MED27: variants seen among roughly 807,000 people sequenced by gnomAD.
MED27 encodes the protein mediator of RNA polymerase II transcription subunit 27.
In MED27, 30 loss-of-function variants were observed where a neutral mutation model predicts 38.2. The ratio of observed to expected loss-of-function variants is 0.79; its 90% CI spans 0.59 to 1.07. The LOEUF is 1.07. MED27 is among the 50% of genes least tolerant of loss of function. MED27 has a pLI of 0.00. For missense variants in MED27, 289 were observed against 397.5 expected (o/e 0.73, Z 2.32); for synonymous variants, 122 against 153.5 (o/e 0.79, Z 1.52).
chr9:132,019,940 G>C (rs1459186346), intron 2 of MED27, among the ~76,000 whole-genome samples: 1 of 152,214 alleles, frequency 6.6e-6, no homozygotes, highest in Non-Finnish European at 1.5e-5. Flanking sequence ...GACGTTGCAT[G>C]CTTTTCCCTC....
chr9:132,053,612 T>C (rs1833511857), intron 2 of MED27, among the ~76,000 whole-genome samples: 5 of 152,306 alleles, frequency 3.3e-5, no homozygotes, highest in Admixed American at 6.5e-5. Context: ...TGAAACAACA[T>C]GCCTGGAGTC....
chr9:131,905,593 G>C (rs1830039781), intron 4 of MED27, among the ~76,000 whole-genome samples: 1 of 150,838 alleles, frequency 6.6e-6, no homozygotes, highest in South Asian at 2.1e-4. Flanking sequence ...AGCACTTTGG[G>C]AAGCCGGGAT....
intron 4 of MED27, among the ~76,000 whole-genome samples, chr9:131,932,919 T>C (rs1488832415): frequency 6.6e-6 from 1 of 152,142 alleles, no homozygotes; most frequent in African/African-American, 2.4e-5. Context: ...TCATTCATCA[T>C]GACCAAGTGG....
chr9:132,012,195 G>A (rs1054742262), intron 3 of MED27, among the ~76,000 whole-genome samples: 4 of 152,208 alleles, frequency 2.6e-5, no homozygotes, highest in African/African-American at 9.6e-5. Context: ...TCTTGCCTCA[G>A]TAGACAATCC....
intron 6 of MED27, among the ~76,000 whole-genome samples, chr9:131,880,176 T>C (rs1443026031): frequency 1.3e-5 from 2 of 151,028 alleles, no homozygotes; most frequent in African/African-American, 4.9e-5. Flanking sequence ...TCCCACAAGC[T>C]CAGTGATACA....
At chr9:131,931,556 GAC>G (rs1342794651) in intron 4 of MED27, among the ~76,000 whole-genome samples, 1 of 152,070 alleles carries the variant, frequency 6.6e-6, no homozygotes, top group Admixed American at 6.6e-5. Context: ...CCAATCAAAA[GAC>G]ACAGAGTAGC....
At chr9:132,010,431 G>T (rs1271113308) in intron 3 of MED27, among the ~76,000 whole-genome samples, 3 of 152,220 alleles carry the variant, frequency 2.0e-5, no homozygotes, top group Non-Finnish European at 2.9e-5. Context: ...TACACTGTTG[G>T]TGGGACTGTA....
In MED27 at chr9:132,024,052, T is replaced by C. The variant is rs78221291; in HGVS notation, c.349-9585A>G. Among the ~76,000 whole-genome samples, 80 of 152,288 alleles carry C rather than the reference T, an allele frequency of 5.3e-4. No individual in the cohort carries two copies. In the East Asian group the frequency reaches 0.013, roughly 25 times the overall value. On this transcript the variant is annotated intron_variant, in intron 2 of 7. Coordinates refer to ENST00000292035, the MANE Select transcript of MED27 (RefSeq NM_004269.4). ...CATGAAGCAGCAAAGGCTGACACTC[T>C]GGAGGCAGTGTGGCCCAATGCACAG...
chr9:131,895,238 C>T (rs986288313), intron 4 of MED27, among the ~76,000 whole-genome samples: 2 of 152,172 alleles, frequency 1.3e-5, no homozygotes, highest in African/African-American at 2.4e-5. Flanking sequence ...CTTTTCATTT[C>T]GTATATGAGA....
At chr9:132,015,239 G>T (rs944490119) in intron 2 of MED27, among the ~76,000 whole-genome samples, 3 of 152,188 alleles carry the variant, frequency 2.0e-5, no homozygotes, top group Non-Finnish European at 4.4e-5. Flanking sequence ...TCATTGAAAA[G>T]AATCGAATGG....
chr9:131,905,734 A>AAAAAAAAAAAAAAAAAAAAAC (rs751226482), intron 4 of MED27, among the ~76,000 whole-genome samples: 3 of 28,160 alleles, frequency 1.1e-4, no homozygotes, highest in Non-Finnish European at 2.4e-4. Flanking sequence ...AAAACAGAAA[A>AAAAAAAAAAAAAAAAAAAAAC]AGAAAAAGAA....
At chr9:131,927,880 G>A (rs375609456) in intron 4 of MED27, among the ~76,000 whole-genome samples, 9 of 152,176 alleles carry the variant, frequency 5.9e-5, no homozygotes, top group African/African-American at 2.2e-4. Flanking sequence ...CAAAGGCCAG[G>A]GTTGCTCCAG....
intron 3 of MED27, among the ~76,000 whole-genome samples, chr9:132,011,446 A>T (rs957768022): frequency 6.6e-6 from 1 of 152,194 alleles, no homozygotes; most frequent in Non-Finnish European, 1.5e-5. Context: ...TTAGACAGGC[A>T]GCCATGTTGC....
intron 2 of MED27, among the ~76,000 whole-genome samples, chr9:132,043,657 A>G (rs745723535): frequency 2.6e-5 from 4 of 152,234 alleles, no homozygotes; most frequent in Non-Finnish European, 5.9e-5. Context: ...ATTTTCAATT[A>G]AAACTCACAT....
intron 2 of MED27, among the ~76,000 whole-genome samples, chr9:132,034,684 C>A (rs1367562489): frequency 6.6e-6 from 1 of 152,160 alleles, no homozygotes; most frequent in Non-Finnish European, 1.5e-5. Flanking sequence ...TCAGGGACAG[C>A]CCCTTCCCTG....
At chr9:131,960,340 A>T (rs1831190036) in intron 3 of MED27, among the ~76,000 whole-genome samples, 1 of 152,150 alleles carries the variant, frequency 6.6e-6, no homozygotes, top group Non-Finnish European at 1.5e-5. Context: ...AATGCTCCAA[A>T]TATCACCATA....
intron 3 of MED27, among the ~76,000 whole-genome samples, chr9:131,986,112 T>C (rs1023125682): frequency 6.6e-6 from 1 of 152,184 alleles, no homozygotes; most frequent in Non-Finnish European, 1.5e-5. Context: ...TAACAAAATG[T>C]AAAAGTTTAT....
intron 4 of MED27, among the ~76,000 whole-genome samples, chr9:131,923,261 T>C (rs1218995777): frequency 6.6e-6 from 1 of 152,218 alleles, no homozygotes; most frequent in African/African-American, 2.4e-5. Flanking sequence ...ACTTTTGGCA[T>C]TCTACTTTCC....
chr9:131,945,738 T>C (rs1029526143), intron 3 of MED27, among the ~76,000 whole-genome samples: 1 of 147,902 alleles, frequency 6.8e-6, no homozygotes. Flanking sequence ...GGCAGGAAGA[T>C]GGCTTGAGCT....
Sources: gnomAD v4.1 joint callset for allele counts (sites outside exome capture counted in the v4.1 genomes callset) on GRCh38, gnomAD v4.1.1 for gene constraint, MANE v1.5 for transcripts, NCBI Gene and HGNC (gene_info 2026-07-23, HGNC 2026-07-21) for gene names.